Variants in ITFG1 observed in about 807,000 individuals in gnomAD.
The protein encoded by ITFG1 is integrin alpha FG-GAP repeat containing 1.
ITFG1 carries 34 observed loss-of-function variants against 81.8 expected under a neutral mutation model. The ratio of observed to expected loss-of-function variants is 0.42; its 90% confidence interval spans 0.32 to 0.55. ITFG1 has a LOEUF of 0.55. ITFG1 is among the 20% of genes least tolerant of loss of function. The probability of loss-of-function intolerance (pLI) is 0.17; values close to 1 mark genes in which losing one functional copy is unlikely to be tolerated. For missense variants in ITFG1, 672 were observed against 755.4 expected, an observed-to-expected ratio of 0.89 and a Z score of 1.29; for synonymous variants, 285 against 270.6, an observed-to-expected ratio of 1.05 and a Z score of -0.52.
intron 6 of ITFG1, among the ~76,000 whole-genome samples, chr16:47,389,862 A>C (rs1248429407): frequency 6.6e-6 from 1 of 152,244 alleles, no homozygotes; most frequent in Non-Finnish European, 1.5e-5. Flanking sequence ...GAAAGCAGTA[A>C]CGTAGGAGTA....
intron 13 of ITFG1, among the ~76,000 whole-genome samples, chr16:47,232,037 C>T (rs1567430533): frequency 6.6e-6 from 1 of 152,126 alleles, no homozygotes; most frequent in Non-Finnish European, 1.5e-5. Flanking sequence ...GGGCCATGAG[C>T]CAAGGAAGAT....
At chr16:47,205,828 T>TTATCTATCTATCTATCTATC (rs58886060) in intron 14 of ITFG1, among the ~76,000 whole-genome samples, 1 of 142,960 alleles carries the variant, frequency 7.0e-6, no homozygotes, top group Admixed American at 7.0e-5. Flanking sequence ...TGGAATTAAA[T>TTATCTATCTATCTATCTATC]TATCTATCTA....
At chr16:47,169,112 T>C (rs1327733235) in intron 14 of ITFG1, among the ~76,000 whole-genome samples, 1 of 152,214 alleles carries the variant, frequency 6.6e-6, no homozygotes, top group Non-Finnish European at 1.5e-5. Context: ...GCACTATGCT[T>C]GTTGATTACT....
intron 14 of ITFG1, among the ~76,000 whole-genome samples, chr16:47,194,355 A>G (rs1274358997): frequency 2.0e-5 from 3 of 152,224 alleles, no homozygotes; most frequent in East Asian, 1.9e-4. Context: ...TCATCTAAGT[A>G]TATTTTCATA....
chr16:47,325,600 G>C (rs1375074832), intron 8 of ITFG1, among the ~76,000 whole-genome samples: 1 of 151,862 alleles, frequency 6.6e-6, no homozygotes, highest in African/African-American at 2.4e-5. Flanking sequence ...GAAGAAAAGA[G>C]AGAAGAATCA....
At chr16:47,272,442 C>T (rs916965564) in intron 10 of ITFG1, among the ~76,000 whole-genome samples, 10 of 152,140 alleles carry the variant, frequency 6.6e-5, no homozygotes, top group African/African-American at 2.4e-4. Flanking sequence ...GTTGCCCAGG[C>T]TGGAGTACAG....
chr16:47,394,540 G>A (rs1968571022), intron 6 of ITFG1, among the ~76,000 whole-genome samples: 1 of 151,838 alleles, frequency 6.6e-6, no homozygotes, highest in South Asian at 2.1e-4. Flanking sequence ...CAAAAGTACT[G>A]TGTCATGTGG....
chr16:47,247,657 A>G (rs1966017986), intron 12 of ITFG1, among the ~76,000 whole-genome samples: 1 of 152,216 alleles, frequency 6.6e-6, no homozygotes, highest in Admixed American at 6.5e-5. Flanking sequence ...AAACATTTAA[A>G]GTAAGAGAGT....
chr16:47,285,790 CAGT>C (rs371191730), intron 10 of ITFG1, among the ~76,000 whole-genome samples: 87 of 152,230 alleles, frequency 5.7e-4, no homozygotes, highest in African/African-American at 1.9e-3. Context: ...CTGTAGAAAA[CAGT>C]AGTAGTCAAT....
At chr16:47,270,944 G>A (rs79656072) in intron 10 of ITFG1, among the ~76,000 whole-genome samples, 7,402 of 152,238 alleles carry the variant, frequency 0.049, 282 homozygotes, top group Non-Finnish European at 0.075. Context: ...AAACTTTTGT[G>A]AGTGATGGAT....
chr16:47,288,349 G>T (rs1966878168), intron 10 of ITFG1, among the ~76,000 whole-genome samples: 1 of 152,164 alleles, frequency 6.6e-6, no homozygotes. Flanking sequence ...ATCTCTTGAT[G>T]AATAGTTAGG....
At chr16:47,350,838 C>T (rs1164304278) in intron 8 of ITFG1, among the ~76,000 whole-genome samples, 1 of 152,148 alleles carries the variant, frequency 6.6e-6, no homozygotes, top group Non-Finnish European at 1.5e-5. Flanking sequence ...AAACCGAATC[C>T]AGCAGTACAT....
intron 6 of ITFG1, among the ~76,000 whole-genome samples, chr16:47,380,168 T>C (rs1968378462): frequency 6.6e-6 from 1 of 151,720 alleles, no homozygotes; most frequent in South Asian, 2.1e-4. Context: ...CCATAGCAGC[T>C]CTGCTATGCT....
intron 5 of ITFG1, among the ~76,000 whole-genome samples, chr16:47,436,364 T>TA (rs1042006758): frequency 4.6e-5 from 7 of 152,166 alleles, no homozygotes; most frequent in African/African-American, 1.4e-4. Context: ...TCTCAGCGTT[T>TA]AAAAAAACTC....
chr16:47,155,869 G>A lies in ITFG1; in HGVS notation c.1780-91C>T, dbSNP rs1964696035. 5.5e-6 allele frequency: 5 copies of A among 910,776 alleles called. No individual in the cohort carries two copies. In the South Asian group the frequency reaches 7.8e-5, roughly 14 times the overall value. 56.4% of individuals were successfully genotyped at this position (910,776 alleles called of 1,614,324 possible). On this transcript the variant is annotated intron_variant, in intron 17 of 17. Coordinates refer to ENST00000320640, the MANE Select transcript of ITFG1 (RefSeq NM_030790.5). ...AATACACAGTGATTCATTTTTAAAA[G>A]TCTCCAGCAATTAGCAGATAATAGA...
intron 10 of ITFG1, among the ~76,000 whole-genome samples, chr16:47,287,807 G>A (rs1250938358): frequency 6.6e-6 from 1 of 152,148 alleles, no homozygotes; most frequent in Non-Finnish European, 1.5e-5. Flanking sequence ...AAATTTTTAT[G>A]TGCCTTTTTA....
chr16:47,173,929 A>T (rs143931796), intron 14 of ITFG1, among the ~76,000 whole-genome samples: 254 of 152,254 alleles, frequency 1.7e-3, no homozygotes, highest in Middle Eastern at 3.4e-3. Context: ...AGTCCCAGCT[A>T]CTTGGGAGGC....
chr16:47,280,813 G>C (rs541628996), intron 10 of ITFG1, among the ~76,000 whole-genome samples: 2 of 152,012 alleles, frequency 1.3e-5, no homozygotes, highest in Non-Finnish European at 2.9e-5. Context: ...GCCAATGACT[G>C]AATCAATCAT....
At chr16:47,224,445 C>T (rs1965734261) in intron 13 of ITFG1, among the ~76,000 whole-genome samples, 2 of 152,084 alleles carry the variant, frequency 1.3e-5, no homozygotes, top group African/African-American at 2.4e-5. Context: ...TGGAGAAGGG[C>T]CTAACCTCTC....
Sources: allele counts gnomAD v4.1 joint callset (sites outside exome capture counted in the v4.1 genomes callset), GRCh38; gene constraint gnomAD v4.1.1; transcripts MANE v1.5; gene names NCBI Gene and HGNC (gene_info 2026-07-23, HGNC 2026-07-21).